The following PIK3C2G variants were observed in gnomAD, a reference collection of about 807,000 sequenced individuals.
PIK3C2G encodes the protein phosphatidylinositol-4-phosphate 3-kinase catalytic subunit type 2 gamma, also known as phosphatidylinositol 3-kinase C2 domain-containing subunit gamma.
A neutral mutation model predicts 181.1 loss-of-function variants in PIK3C2G; 168 were observed. The ratio of observed to expected loss-of-function variants is 0.93; its 90% CI spans 0.82 to 1.05. The LOEUF (loss-of-function observed/expected upper bound fraction) is 1.05. Among genes scored for constraint, PIK3C2G ranks in the 50% least tolerant of loss-of-function variants. PIK3C2G has a pLI of 0.00. For synonymous variants in PIK3C2G, 573 were observed against 592.2 expected, an observed-to-expected ratio of 0.97 and a Z score of 0.47; for missense variants, 1,869 against 1,732.8, an observed-to-expected ratio of 1.08 and a Z score of -1.40.
At chr12:18,720,776 A>G in the PIK3C2G span, among the ~76,000 whole-genome samples, 1 of 152,094 alleles carries the variant, frequency 6.6e-6, no homozygotes, top group Non-Finnish European at 1.5e-5. Context: ...AAGAATGCTC[A>G]CATTAGCATT....
intron 3 of PIK3C2G, among the ~76,000 whole-genome samples, chr12:18,288,968 C>T (rs1949571928): frequency 6.6e-6 from 1 of 152,126 alleles, no homozygotes; most frequent in Non-Finnish European, 1.5e-5. Context: ...AAAACTAAAA[C>T]ATACACCAAA....
chr12:18,485,261 G>A (rs907661331), intron 18 of PIK3C2G, among the ~76,000 whole-genome samples: 1 of 152,120 alleles, frequency 6.6e-6, no homozygotes. Flanking sequence ...TACTTTTCCT[G>A]TGGCTCTAGC....
At chr12:18,453,885 T>C (rs1947494684) in intron 18 of PIK3C2G, among the ~76,000 whole-genome samples, 2 of 152,318 alleles carry the variant, frequency 1.3e-5, no homozygotes, top group South Asian at 4.1e-4. Flanking sequence ...GACTATTCCA[T>C]GCCAAAATTT....
chr12:18,640,620 C>A (rs972760829), intron 32 of PIK3C2G, 66 bp downstream of exon 32: 29 of 1,413,946 alleles, frequency 2.1e-5, no homozygotes, highest in Middle Eastern at 3.8e-4. Flanking sequence ...GCTTAACAAC[C>A]AAATATGGAA....
chr12:18,301,619 T>C (rs1950178371), intron 5 of PIK3C2G, among the ~76,000 whole-genome samples: 1 of 152,114 alleles, frequency 6.6e-6, no homozygotes, highest in African/African-American at 2.4e-5. Flanking sequence ...GAATTGTTTT[T>C]ATGATTTTTT....
chr12:18,374,238 A>C (rs952175975), intron 13 of PIK3C2G, among the ~76,000 whole-genome samples: 1 of 152,102 alleles, frequency 6.6e-6, no homozygotes, highest in Non-Finnish European at 1.5e-5. Context: ...TGAGTTTAAA[A>C]CCTTGAAAAA....
intron 6 of PIK3C2G, among the ~76,000 whole-genome samples, chr12:18,320,290 G>A (rs1215811789): frequency 6.6e-6 from 1 of 152,178 alleles, no homozygotes; most frequent in Admixed American, 6.5e-5. Context: ...TGAATGCCCT[G>A]TTGCAGGAGA....
the PIK3C2G span, among the ~76,000 whole-genome samples, chr12:18,689,342 G>C: frequency 0.08 from 12,172 of 152,192 alleles, 634 homozygotes; most frequent in African/African-American, 0.14. Flanking sequence ...AGAATTTAGG[G>C]CAAGCTTGTC....
chr12:18,647,453 GA>G (rs34107109), intron 32 of PIK3C2G, among the ~76,000 whole-genome samples: 22,611 of 127,400 alleles, frequency 0.18, 2,000 homozygotes, highest in East Asian at 0.44. Flanking sequence ...ATCTAAAATT[GA>G]AAAAAAAAAA....
At chr12:18,719,343 T>C in the PIK3C2G span, 1 of 693,034 alleles carries the variant, frequency 1.4e-6, no homozygotes. Context: ...GTCTTCTTTT[T>C]ATTGTGCACT....
the PIK3C2G span, among the ~76,000 whole-genome samples, chr12:18,681,753 T>C: frequency 2.0e-5 from 3 of 152,054 alleles, no homozygotes; most frequent in East Asian, 5.8e-4. Flanking sequence ...ATTAGTGAGA[T>C]AAGTTTGGTA....
intron 8 of PIK3C2G, among the ~76,000 whole-genome samples, chr12:18,326,986 T>C (rs1255234687): frequency 6.6e-6 from 1 of 152,146 alleles, no homozygotes; most frequent in Non-Finnish European, 1.5e-5. Context: ...TTTGATCTTA[T>C]TACTTATGTA....
intron 18 of PIK3C2G, among the ~76,000 whole-genome samples, chr12:18,444,891 T>C (rs1025207207): frequency 6.6e-6 from 1 of 152,142 alleles, no homozygotes; most frequent in Non-Finnish European, 1.5e-5. Context: ...TTATGTTCAG[T>C]TTTTGTCCTT....
At chr12:18,637,749 G>A (rs1038576888) in intron 31 of PIK3C2G, among the ~76,000 whole-genome samples, 1 of 152,184 alleles carries the variant, frequency 6.6e-6, no homozygotes, top group Non-Finnish European at 1.5e-5. Flanking sequence ...ATTTCTCACA[G>A]TGTTGTTGAA....
chr12:18,280,802 C>T (rs932716778), intron 1 of PIK3C2G, among the ~76,000 whole-genome samples: 1 of 151,874 alleles, frequency 6.6e-6, no homozygotes, highest in African/African-American at 2.4e-5. Context: ...AGAGTCAATA[C>T]AATATTTCAA....
intron 23 of PIK3C2G, among the ~76,000 whole-genome samples, chr12:18,503,928 C>T (rs1163888800): frequency 1.3e-5 from 2 of 152,144 alleles, no homozygotes; most frequent in African/African-American, 4.8e-5. Flanking sequence ...TTGCAGTGTA[C>T]AGTTGTGCAG....
chr12:18,260,524 CAG>C (rs1939706212), upstream of PIK3C2G, among the ~76,000 whole-genome samples: 1 of 151,988 alleles, frequency 6.6e-6, no homozygotes, highest in African/African-American at 2.4e-5. Context: ...GTACAAGGGT[CAG>C]GGGATGGTGT....
At chr12:18,520,749 G>A (rs1942860527) in intron 24 of PIK3C2G, among the ~76,000 whole-genome samples, 1 of 152,062 alleles carries the variant, frequency 6.6e-6, no homozygotes, top group African/African-American at 2.4e-5. Context: ...GTCCAGTTCT[G>A]CACCCTTGCT....
downstream of PIK3C2G, among the ~76,000 whole-genome samples, chr12:18,650,694 GTGTGTGTGTGTATATATCTATATATA>G (rs1565602328): frequency 4.7e-3 from 184 of 38,844 alleles, 6 homozygotes; most frequent in Middle Eastern, 0.013. Context: ...GTGTGTGTGT[GTGTGTGTGTGTATATATCTATATATA>G]TATATATATA....
Sources: gnomAD v4.1 joint callset for allele counts (sites outside exome capture counted in the v4.1 genomes callset) on GRCh38, gnomAD v4.1.1 for gene constraint, MANE v1.5 for transcripts, NCBI Gene and HGNC (gene_info 2026-07-23, HGNC 2026-07-21) for gene names.